PCDHA11: variants seen among roughly 807,000 people sequenced by gnomAD.
The protein encoded by PCDHA11 is protocadherin alpha 11, also known as protocadherin alpha-11.
Under a neutral mutation model 70.3 loss-of-function variants are expected in PCDHA11, and 61 were observed. The observed-to-expected ratio is 0.87, with a 90% CI of 0.71 to 1.07. The LOEUF is 1.07. PCDHA11 is among the 50% of genes least tolerant of loss of function. The pLI is 0.00. For synonymous variants in PCDHA11, 633 were observed against 555.1 expected (o/e 1.14, Z -1.97); for missense variants, 1,324 against 1,237.5 (o/e 1.07, Z -1.05).
chr5:140,877,507 T>G, intron 1 of PCDHA11: 1 of 1,613,744 alleles, frequency 6.2e-7, no homozygotes, highest in Non-Finnish European at 8.5e-7. Flanking sequence ...CCCAAAGACG[T>G]CGTCGCGGGC....
At chr5:140,894,259 T>A (rs2064392118) in intron 1 of PCDHA11, among the ~76,000 whole-genome samples, 1 of 152,106 alleles carries the variant, frequency 6.6e-6, no homozygotes. Context: ...TCTTTACAAG[T>A]GGTAGCTTAT....
intron 1 of PCDHA11, among the ~76,000 whole-genome samples, chr5:140,894,564 T>C (rs1554186142): frequency 6.6e-6 from 1 of 151,978 alleles, no homozygotes; most frequent in Non-Finnish European, 1.5e-5. Context: ...GAAAAAATTA[T>C]TTTCCTTTTT....
intron 1 of PCDHA11, chr5:140,877,683 C>T: frequency 6.2e-7 from 1 of 1,613,716 alleles, no homozygotes. Flanking sequence ...CGGGCAAGCC[C>T]ACGCTGGTGT....
At chr5:140,901,580 C>T (rs2068755035) in intron 1 of PCDHA11, among the ~76,000 whole-genome samples, 3 of 152,008 alleles carry the variant, frequency 2.0e-5, no homozygotes, top group Admixed American at 6.6e-5. Context: ...TATGCCAGTG[C>T]CATGATGTTT....
intron 1 of PCDHA11, among the ~76,000 whole-genome samples, chr5:140,977,004 A>C (rs1554238156): frequency 6.6e-6 from 1 of 152,222 alleles, no homozygotes; most frequent in East Asian, 1.9e-4. Flanking sequence ...GAAATCTTGT[A>C]ACTGTGATTC....
intron 1 of PCDHA11, among the ~76,000 whole-genome samples, chr5:140,964,685 A>G (rs1209867922): frequency 1.3e-5 from 2 of 152,036 alleles, no homozygotes; most frequent in African/African-American, 4.8e-5. Context: ...CAATTTGTGC[A>G]CTTGAGAGAT....
At chr5:140,884,501 G>T (rs2060219226) in intron 1 of PCDHA11, 2 of 1,614,146 alleles carry the variant, frequency 1.2e-6, no homozygotes, top group Non-Finnish European at 1.7e-6. Context: ...CTCCAGCGCG[G>T]CAGGGAGTTG....
At chr5:140,990,821 G>T (rs890499969) in intron 3 of PCDHA11, among the ~76,000 whole-genome samples, 1 of 152,172 alleles carries the variant, frequency 6.6e-6, no homozygotes, top group East Asian at 1.9e-4. Flanking sequence ...CCTTCTCTCA[G>T]CTAAAGCCTA....
chr5:141,007,200 G>T (rs1437076735), intron 3 of PCDHA11, among the ~76,000 whole-genome samples: 2 of 152,010 alleles, frequency 1.3e-5, no homozygotes, highest in Admixed American at 6.6e-5. Context: ...GATGGTGGGG[G>T]CCAGAATATG....
At chr5:140,997,668 T>TTA (rs2097778675) in intron 3 of PCDHA11, among the ~76,000 whole-genome samples, 1 of 148,244 alleles carries the variant, frequency 6.7e-6, no homozygotes, top group African/African-American at 2.5e-5. Flanking sequence ...ATTATACAGC[T>TTA]TGTGTGTGTG....
chr5:141,005,714 A>AAG (rs2098233543), intron 3 of PCDHA11, among the ~76,000 whole-genome samples: 1 of 148,328 alleles, frequency 6.7e-6, no homozygotes, highest in Non-Finnish European at 1.5e-5. Flanking sequence ...AAAAAAAAAA[A>AAG]AAAAAAAAAA....
At chr5:140,989,723 G>A (rs2097356372) in intron 3 of PCDHA11, among the ~76,000 whole-genome samples, 1 of 152,180 alleles carries the variant, frequency 6.6e-6, no homozygotes, top group African/African-American at 2.4e-5. Flanking sequence ...CAGCTTTGCA[G>A]TTGAAAAGGC....
intron 1 of PCDHA11, chr5:140,884,185 G>T (rs1554181312): frequency 6.2e-7 from 1 of 1,613,444 alleles, no homozygotes. Context: ...CTCTGGACGA[G>T]GTGGACGCGC....
chr5:140,927,078 C>T, intron 1 of PCDHA11: 1 of 1,611,014 alleles, frequency 6.2e-7, no homozygotes, highest in Non-Finnish European at 8.5e-7. Context: ...CCAGCCACCG[C>T]GAGCTCTACT....
In PCDHA11 at chr5:140,978,956, A is replaced by G; in HGVS notation, c.2399A>G (p.Gln800Arg). 3 of 1,614,194 alleles carry G rather than the reference A, an allele frequency of 1.9e-6. No individual in the cohort carries two copies. The highest frequency in any genetic ancestry group is 2.5e-6 in the Non-Finnish European group (3 of 1,180,026). ...CTCTTTGTGATTTTGCAGCCACGAC[A>G]GCCCAACCCTGACTGGCGTTACTCT... ...PGSNHPGQPR[Q>R]PNPDWRYSAS... Residue 800 changes from glutamine (Q) to arginine (R), a missense_variant, in exon 2 of 4, where the codon CAG becomes CGG. Transcript: ENST00000398640.
chr5:140,882,676 C>T (rs1458440894), intron 1 of PCDHA11: 18 of 1,614,060 alleles, frequency 1.1e-5, no homozygotes, highest in Admixed American at 3.3e-5. Context: ...TCCCTGAAAG[C>T]AAGAAACGAA....
intron 1 of PCDHA11, among the ~76,000 whole-genome samples, chr5:140,948,075 T>C (rs1554218432): frequency 1.3e-5 from 2 of 151,684 alleles, no homozygotes; most frequent in Non-Finnish European, 3.0e-5. Flanking sequence ...AATTTTCTTT[T>C]AATCTATTGA....
intron 1 of PCDHA11, among the ~76,000 whole-genome samples, chr5:140,975,382 A>G (rs1219046015): frequency 1.3e-5 from 2 of 152,258 alleles, no homozygotes; most frequent in African/African-American, 4.8e-5. Flanking sequence ...AATCATGGGA[A>G]TAAGATCCAT....
chr5:140,892,304 G>A (rs1301333753), intron 1 of PCDHA11, among the ~76,000 whole-genome samples: 1 of 152,004 alleles, frequency 6.6e-6, no homozygotes, highest in East Asian at 1.9e-4. Context: ...AAATAATTTG[G>A]GGCTTATAAC....
Sources: gnomAD v4.1 joint callset for allele counts (sites outside exome capture counted in the v4.1 genomes callset) on GRCh38, gnomAD v4.1.1 for gene constraint, MANE v1.5 for transcripts, NCBI Gene and HGNC (gene_info 2026-07-23, HGNC 2026-07-21) for gene names.